Variants in XKR4 observed in about 807,000 individuals in gnomAD.
XKR4 encodes the protein XK-related protein 4.
In XKR4, 12 loss-of-function variants were observed where a neutral mutation model predicts 53.9. That is an observed-to-expected ratio of 0.22 (90% confidence interval 0.14 to 0.36). The LOEUF (loss-of-function observed/expected upper bound fraction) is 0.36. Among genes scored for constraint, XKR4 ranks in the 10% least tolerant of loss-of-function variants. The pLI is 1.00. For missense variants in XKR4, 799 were observed against 859.5 expected (o/e 0.93, Z 0.88); for synonymous variants, 354 against 362.4 (o/e 0.98, Z 0.26).
chr8:55,262,779 G>T (rs553727382), intron 1 of XKR4, among the ~76,000 whole-genome samples: 1 of 152,208 alleles, frequency 6.6e-6, no homozygotes, highest in Non-Finnish European at 1.5e-5. Flanking sequence ...GCTGGCATTA[G>T]ATGCCCACTC....
At chr8:55,513,408 G>A (rs1806659721) in intron 2 of XKR4, among the ~76,000 whole-genome samples, 1 of 152,164 alleles carries the variant, frequency 6.6e-6, no homozygotes, top group Non-Finnish European at 1.5e-5. Flanking sequence ...AGAGGCTTTG[G>A]CCAGCATGGT....
chr8:55,374,770 G>A (rs888744463), intron 2 of XKR4, among the ~76,000 whole-genome samples: 8 of 152,196 alleles, frequency 5.3e-5, no homozygotes, highest in African/African-American at 1.4e-4. Context: ...ACATCAGTGC[G>A]AAGTTTAGGA....
intron 1 of XKR4, among the ~76,000 whole-genome samples, chr8:55,219,277 T>C (rs1340633394): frequency 6.6e-6 from 1 of 152,220 alleles, no homozygotes; most frequent in Admixed American, 6.5e-5. Context: ...TGGATCTTTG[T>C]TCCTTTCCCA....
chr8:55,159,210 T>C (rs1816950209), intron 1 of XKR4, among the ~76,000 whole-genome samples: 1 of 152,324 alleles, frequency 6.6e-6, no homozygotes, highest in South Asian at 2.1e-4. Flanking sequence ...CCACCCTGGT[T>C]AGCTATATTT....
intron 1 of XKR4, among the ~76,000 whole-genome samples, chr8:55,312,235 G>T (rs1819398729): frequency 1.3e-5 from 2 of 151,670 alleles, no homozygotes; most frequent in Non-Finnish European, 2.9e-5. Flanking sequence ...GAAAATAGGA[G>T]ATTAGACCAG....
Position 55,413,408 on chromosome 8 carries a change from T to A in XKR4, c.1006+55531T>A, listed in dbSNP as rs144794724. Among the ~76,000 whole-genome samples, 30 of 152,280 alleles carry A rather than the reference T, an allele frequency of 2.0e-4. No homozygotes were observed. The East Asian group carries it at 5.8e-3, about 29-fold the overall frequency. ...GCTTGGCTAATTTTTGTATTTTTAA[T>A]GGAGACGGGGTTTCACCAGATTGGC... On this transcript the variant is annotated intron_variant, in intron 2 of 2. Transcript: ENST00000327381.
At chr8:55,433,689 T>A (rs1427092884) in intron 2 of XKR4, among the ~76,000 whole-genome samples, 1 of 152,334 alleles carries the variant, frequency 6.6e-6, no homozygotes, top group East Asian at 1.9e-4. Flanking sequence ...TGTCTTGTTA[T>A]GTACGATAGA....
intron 1 of XKR4, among the ~76,000 whole-genome samples, chr8:55,108,113 A>G (rs1816178814): frequency 6.6e-6 from 1 of 152,178 alleles, no homozygotes; most frequent in Non-Finnish European, 1.5e-5. Context: ...TATCTGAGCA[A>G]AGGTTTGAGG....
At chr8:55,457,008 A>G (rs1188338684) in intron 2 of XKR4, among the ~76,000 whole-genome samples, 1 of 94,662 alleles carries the variant, frequency 1.1e-5, no homozygotes, top group Non-Finnish European at 2.0e-5. Flanking sequence ...AAATACAAAG[A>G]GAAAATCTTG....
chr8:55,435,108 A>G lies in XKR4; in HGVS notation c.1006+77231A>G, dbSNP rs143075405. On this transcript the variant is annotated intron_variant, in intron 2 of 2. Coordinates refer to ENST00000327381, the MANE Select transcript of XKR4 (RefSeq NM_052898.2). ...TCTTGGCTGGTCAAAAGATGCCCCCACTTGTCTACCAGATTGTGCATGAAT... is the reference window on the plus strand; with the variant it reads ...TCTTGGCTGGTCAAAAGATGCCCCCGCTTGTCTACCAGATTGTGCATGAAT... Among the ~76,000 whole-genome samples the G allele has an allele frequency of 4.3e-3, 662 of 152,262 alleles. 3 individuals carry two copies. The highest frequency in any genetic ancestry group is 8.0e-3 in the Admixed American group (122 of 15,292).
intron 1 of XKR4, among the ~76,000 whole-genome samples, chr8:55,163,813 C>A (rs1349677675): frequency 6.6e-6 from 1 of 151,992 alleles, no homozygotes; most frequent in Non-Finnish European, 1.5e-5. Context: ...CCACTGCACT[C>A]CAGCCTGGGC....
chr8:55,165,381 G>A (rs1025852523), intron 1 of XKR4, among the ~76,000 whole-genome samples: 7 of 151,600 alleles, frequency 4.6e-5, no homozygotes, highest in East Asian at 1.9e-4. Flanking sequence ...TAATTTTCTC[G>A]GTGTTATAAA....
chr8:55,454,941 G>A (rs547598303), intron 2 of XKR4: 2 of 836,096 alleles, frequency 2.4e-6, no homozygotes, highest in Non-Finnish European at 4.2e-6. Flanking sequence ...ATGTCGGTGA[G>A]GACAGCAACA....
intron 2 of XKR4, among the ~76,000 whole-genome samples, chr8:55,489,366 C>G (rs1404638370): frequency 3.3e-5 from 5 of 151,998 alleles, no homozygotes; most frequent in Admixed American, 3.3e-4. Context: ...CCATGTTACC[C>G]TTTCAAAAAC....
chr8:55,298,425 G>A lies in XKR4; in HGVS notation c.807-59253G>A, dbSNP rs545235284. ...ACAGCTCTGCAGGCTCTACAAGCAT[G>A]GCACCAGCATTACTTCTGATGAGGA... is the stretch of plus-strand genomic sequence containing the variant. On this transcript the variant is annotated intron_variant, in intron 1 of 2. Transcript: ENST00000327381. 1.4e-3 allele frequency among the ~76,000 whole-genome samples: 216 copies of A among 152,214 alleles called. 1 individual carries two copies. The highest frequency in any genetic ancestry group is 2.5e-3 in the Non-Finnish European group (173 of 68,018).
rs1181623687 is a variant in XKR4 at position 55,528,092 on chromosome 8, G to A, written c.*3865G>A. 8 of 152,156 alleles carry A rather than the reference G, an allele frequency of 5.3e-5. No homozygotes were observed. The highest frequency in any genetic ancestry group is 3.9e-4 in the Admixed American group (6 of 15,276). 9.4% of individuals were successfully genotyped at this position (152,156 alleles called of 1,614,324 possible). ...CTTTTGAATGTATATAAAGTGGTATGTTATGCATATAAATTGTACATAAAC... is the reference window on the plus strand; with the variant it reads ...CTTTTGAATGTATATAAAGTGGTATATTATGCATATAAATTGTACATAAAC... On this transcript the variant is annotated 3_prime_UTR_variant, in exon 3 of 3. Coordinates refer to ENST00000327381, the MANE Select transcript of XKR4 (RefSeq NM_052898.2).
intron 1 of XKR4, among the ~76,000 whole-genome samples, chr8:55,104,487 G>A (rs1016312885): frequency 3.9e-5 from 6 of 152,202 alleles, no homozygotes; most frequent in Admixed American, 6.5e-5. Context: ...TGACTATGCC[G>A]AAGTATCACC....
At chr8:55,332,206 C>T (rs1005596932) in intron 1 of XKR4, among the ~76,000 whole-genome samples, 1 of 152,016 alleles carries the variant, frequency 6.6e-6, no homozygotes, top group African/African-American at 2.4e-5. Flanking sequence ...TACTCTTTTA[C>T]AACTGTACTC....
At chr8:55,428,488 C>T (rs1805051624) in intron 2 of XKR4, among the ~76,000 whole-genome samples, 2 of 152,238 alleles carry the variant, frequency 1.3e-5, no homozygotes, top group African/African-American at 4.8e-5. Context: ...CTCATTTACA[C>T]CGCCAAGGCT....
Sources: allele counts gnomAD v4.1 joint callset (sites outside exome capture counted in the v4.1 genomes callset), GRCh38; gene constraint gnomAD v4.1.1; transcripts MANE v1.5; gene names NCBI Gene and HGNC (gene_info 2026-07-23, HGNC 2026-07-21).